The following NIPBL variants were observed in gnomAD, a reference collection of about 807,000 sequenced individuals.
NIPBL encodes nipped-B-like protein.
Under a neutral mutation model 321.8 loss-of-function variants are expected in NIPBL, and 19 were observed. The ratio of observed to expected loss-of-function variants is 0.06; its 90% CI spans 0.04 to 0.09. NIPBL has a LOEUF of 0.09. Ranked by LOEUF, NIPBL falls within the 10% of genes least tolerant of loss-of-function variation. The probability of loss-of-function intolerance (pLI) is 1.00; values close to 1 mark genes in which losing one functional copy is unlikely to be tolerated. For synonymous variants in NIPBL, 1,106 were observed against 1,114.1 expected (o/e 0.99, Z 0.14); for missense variants, 2,210 against 3,327.0 (o/e 0.66, Z 8.26).
chr5:36,891,071 C>T (rs563378939), intron 1 of NIPBL, among the ~76,000 whole-genome samples: 1 of 152,206 alleles, frequency 6.6e-6, no homozygotes, highest in South Asian at 2.1e-4. Context: ...GGAGACCATC[C>T]TAGCTAACAC....
intron 30 of NIPBL, among the ~76,000 whole-genome samples, chr5:37,025,867 A>G (rs969138108): frequency 2.6e-5 from 4 of 152,044 alleles, no homozygotes; most frequent in African/African-American, 7.2e-5. Context: ...ATATATAATA[A>G]TATGTATAAT....
At chr5:36,934,191 A>G (rs1388081448) in intron 1 of NIPBL, among the ~76,000 whole-genome samples, 5 of 152,130 alleles carry the variant, frequency 3.3e-5, no homozygotes, top group African/African-American at 1.2e-4. Flanking sequence ...TAGCAGTGTT[A>G]TATTTTATTT....
At position 37,063,782 on chromosome 5, in the gene NIPBL, T is replaced by G; in HGVS notation, c.7861-8T>G. The G allele has an allele frequency of 1.2e-6, 2 of 1,610,306 alleles. No individual in the cohort carries two copies. Among genetic ancestry groups the G allele is most frequent in the Non-Finnish European group, 1.7e-6 (2 of 1,177,922 alleles). ...TTAAAATTCTGAAATAATATCTGTT[T>G]TTTGTAGTTCAAACTTCTCATGGAA... On this transcript the variant is annotated splice_region_variant and splice_polypyrimidine_tract_variant and intron_variant, in intron 45 of 46. Coordinates refer to ENST00000282516, the MANE Select transcript of NIPBL (RefSeq NM_133433.4).
intron 21 of NIPBL, among the ~76,000 whole-genome samples, chr5:37,012,456 ATTTT>A (rs763144789): frequency 9.3e-6 from 1 of 107,212 alleles, no homozygotes; most frequent in African/African-American, 4.0e-5. Flanking sequence ...TCTTTCTCCA[ATTTT>A]TTTTTTTTTT....
chr5:36,918,109 T>C (rs1561384400), intron 1 of NIPBL, among the ~76,000 whole-genome samples: 2 of 152,182 alleles, frequency 1.3e-5, no homozygotes, highest in Non-Finnish European at 2.9e-5. Flanking sequence ...ATAAATTACC[T>C]TGGGCAGTAT....
At chr5:36,877,207 G>T in intron 1 of NIPBL, 29 bp downstream of exon 1, 1 of 203,578 alleles carries the variant, frequency 4.9e-6, no homozygotes. Context: ...TTTCGGCGGC[G>T]GCGGCGGCGG....
At chr5:36,923,598 G>A (rs182726288) in intron 1 of NIPBL, among the ~76,000 whole-genome samples, 91 of 152,144 alleles carry the variant, frequency 6.0e-4, no homozygotes, top group Non-Finnish European at 1.3e-3. Flanking sequence ...TTACAATTTA[G>A]TTATTCTGAT....
At chr5:37,003,230 G>A (rs772311222) in intron 15 of NIPBL, 31 bp from the exon 16 acceptor site, 15 of 1,236,882 alleles carry the variant, frequency 1.2e-5, no homozygotes, top group East Asian at 4.6e-5. Flanking sequence ...TTTTACCAAC[G>A]ATTGATAAAG....
Position 36,986,084 on chromosome 5 carries a change from T to C in NIPBL, c.2904T>C (p.Asn968=). The C allele has an allele frequency of 3.1e-6, 5 of 1,613,886 alleles. No individual in the cohort carries two copies. Among genetic ancestry groups the C allele is most frequent in the Non-Finnish European group, 4.2e-6 (5 of 1,179,938 alleles). Reference sequence around the variant, plus strand: ...AAATCAAGAGGGATAAAGATGGCAATGTTACTCAGGAGACAAAGAAAATGG... The same window carrying C: ...AAATCAAGAGGGATAAAGATGGCAACGTTACTCAGGAGACAAAGAAAATGG... ...IPKIKRDKDG[N]VTQETKKMEM... is the part of the protein sequence containing the mutation. Residue 968 remains asparagine, a synonymous_variant, in exon 10 of 47, where the codon AAT becomes AAC. Coordinates refer to ENST00000282516, the MANE Select transcript of NIPBL (RefSeq NM_133433.4).
intron 10 of NIPBL, among the ~76,000 whole-genome samples, chr5:36,992,330 T>A (rs1378009050): frequency 2.0e-5 from 3 of 152,110 alleles, no homozygotes; most frequent in Non-Finnish European, 1.5e-5. Context: ...GCAACAATAA[T>A]CCCTAAAATC....
chr5:37,027,600 G>C lies in NIPBL; in HGVS notation c.5862+188G>C, dbSNP rs1359136554. 1.8e-3 allele frequency among the ~76,000 whole-genome samples: 221 copies of C among 124,060 alleles called. 1 individual carries two copies. The highest frequency in any genetic ancestry group is 6.6e-3 in the African/African-American group (207 of 31,184). 81.4% of individuals were successfully genotyped at this position (124,060 alleles called of 152,430 possible). A position where few individuals can be genotyped will look rare whatever the true frequency, so the allele number is the denominator to read the frequency against. On this transcript the variant is annotated intron_variant, in intron 32 of 46. Transcript: ENST00000282516. ...CTATAATTAATTCAGTTGCCTGGTT[G>C]TGGTTTTTTTTTTTTTTTTTTTTTT...
chr5:36,923,619 A>C (rs1271361123), intron 1 of NIPBL, among the ~76,000 whole-genome samples: 1 of 152,164 alleles, frequency 6.6e-6, no homozygotes, highest in African/African-American at 2.4e-5. Context: ...AAATACTCTT[A>C]CTTTAAAAAT....
chr5:36,876,793 G>T lies in NIPBL; in HGVS notation c.-465G>T. ...CATTTTGTTCTGAGAGGGAGAGACG[G>T]AACGAGAGAGAGACACACACAGGGC... On this transcript the variant is annotated 5_prime_UTR_variant, in exon 1 of 47. Transcript: ENST00000282516. The T allele has an allele frequency of 2.5e-6, 1 of 397,808 alleles. No individual in the cohort carries two copies. The highest frequency in any genetic ancestry group is 1.3e-4 in the South Asian group (1 of 7,820). The allele number at this position is 397,808 out of a possible 1,614,324, so 24.6% of individuals were successfully genotyped here.
intron 32 of NIPBL, among the ~76,000 whole-genome samples, chr5:37,031,196 G>A (rs1750978241): frequency 6.6e-6 from 1 of 152,068 alleles, no homozygotes; most frequent in Non-Finnish European, 1.5e-5. Flanking sequence ...ATGTTGGCCA[G>A]GCTGGTCTTG....
At position 36,962,136 on chromosome 5, in the gene NIPBL, C is replaced by T. The variant is rs1052544132; in HGVS notation, c.472C>T (p.Pro158Ser). 6.2e-7 allele frequency: 1 copy of T among 1,614,046 alleles called. No individual in the cohort carries two copies. Among genetic ancestry groups the T allele is most frequent in the Admixed American group, 1.7e-5 (1 of 60,008 alleles). Reference protein sequence around the residue: ...SHSPSSRFVPPQTSSGNRFMP... With the variant: ...SHSPSSRFVPSQTSSGNRFMP... ...TTTGGGTTTTAGCCGGTTTGTGCCA[C>T]CACAGACAAGCTCTGGGAACAGATT... Residue 158 changes from proline to serine, a missense_variant, in exon 6 of 47, where the codon CCA becomes TCA. Physicochemically the swap from Pro to Ser is moderately conservative, Grantham distance 74 (BLOSUM62 -1). Transcript: ENST00000282516.
At chr5:36,968,457 T>A (rs544958108) in intron 6 of NIPBL, among the ~76,000 whole-genome samples, 11 of 151,958 alleles carry the variant, frequency 7.2e-5, no homozygotes, top group Admixed American at 5.2e-4. Context: ...TAGTCCCAGC[T>A]ACTCCGAAGG....
At position 37,063,976 on chromosome 5, in the gene NIPBL, G is replaced by C; in HGVS notation, c.8047G>C (p.Gly2683Arg). ...GGAGGATAGAGGAGGAGGCACTTCAGGGGTGAGGCGGAGGAGGAGTCAACG... is the reference window on the plus strand; with the variant it reads ...GGAGGATAGAGGAGGAGGCACTTCACGGGTGAGGCGGAGGAGGAGTCAACG... Reference protein sequence around the residue: ...DGEDRGGGTSGSLRRSKRNSD... With the variant: ...DGEDRGGGTSRSLRRSKRNSD... The change falls in exon 46 of 47, where the codon GGG becomes CGG. Residue 2683 changes from glycine (G) to arginine (R), a missense_variant and splice_region_variant. Around this residue, in one of 14 missense-constraint regions of NIPBL, gnomAD observed 159 missense variants for 319.2 expected, o/e 0.50. Transcript: ENST00000282516. 6.2e-7 allele frequency: 1 copy of C among 1,613,946 alleles called. No homozygotes were observed. Among genetic ancestry groups the C allele is most frequent in the Non-Finnish European group, 8.5e-7 (1 of 1,179,992 alleles).
At position 37,048,584 on chromosome 5, in the gene NIPBL, C is replaced by T; in HGVS notation, c.6672C>T (p.Asn2224=). The T allele has an allele frequency of 6.3e-7, 1 of 1,596,936 alleles. No homozygotes were observed. The highest frequency in any genetic ancestry group is 8.6e-7 in the Non-Finnish European group (1 of 1,167,416). The part of the protein sequence containing the change: ...NLYNNILSDK[N]SSVNLKIQVL... ...ATAATAATATTTTATCTGATAAGAA[C>T]TCCTCAGTCAATTTAAAAATACAAG... The change falls in exon 39 of 47, where the codon AAC becomes AAT. Residue 2224 remains asparagine, a synonymous_variant. Coordinates refer to ENST00000282516, the MANE Select transcript of NIPBL (RefSeq NM_133433.4).
At chr5:36,999,047 C>T (rs144866110) in intron 11 of NIPBL, among the ~76,000 whole-genome samples, 1 of 152,230 alleles carries the variant, frequency 6.6e-6, no homozygotes, top group East Asian at 1.9e-4. Flanking sequence ...CATAGATTAG[C>T]TAGAAGAGTC....
Sources: allele counts gnomAD v4.1 joint callset (sites outside exome capture counted in the v4.1 genomes callset), GRCh38; gene constraint gnomAD v4.1.1; regional missense constraint gnomAD v4.1.1; transcripts MANE v1.5; gene names NCBI Gene and HGNC (gene_info 2026-07-23, HGNC 2026-07-21).